The following TMEM59 variants were observed in gnomAD, a reference collection of about 807,000 sequenced individuals.
TMEM59 encodes the protein transmembrane protein 59, also known as dendritic cell factor 1.
TMEM59 carries 44 observed loss-of-function variants against 42.2 expected under a neutral mutation model. The ratio of observed to expected loss-of-function variants is 1.04; its 90% CI spans 0.82 to 1.34. The LOEUF (loss-of-function observed/expected upper bound fraction) is 1.34, where lower values mean the gene tolerates loss of function less well. Among genes scored for constraint, TMEM59 ranks in the 40% most tolerant of loss-of-function variants. The pLI is 0.00. For missense variants in TMEM59, 359 were observed against 382.8 expected, an observed-to-expected ratio of 0.94 and a Z score of 0.52; for synonymous variants, 148 against 145.8, an observed-to-expected ratio of 1.02 and a Z score of -0.11.
chr1:54,028,975 T>A lies in TMEM59; in HGVS notation c.*3175A>T, dbSNP rs1036268208. 3 of 152,214 alleles carry A rather than the reference T, an allele frequency of 2.0e-5. No individual in the cohort carries two copies. The highest frequency in any genetic ancestry group is 4.4e-5 in the Non-Finnish European group (3 of 68,038). 9.4% of individuals were successfully genotyped at this position (152,214 alleles called of 1,614,324 possible). On this transcript the variant is annotated 3_prime_UTR_variant, in exon 8 of 8. Coordinates refer to ENST00000234831, the MANE Select transcript of TMEM59 (RefSeq NM_004872.5). ...AGTAACTGGAAATCTCTGTCAATGATTCCCTACATGTGGACTTGATATTTG... is the reference window on the plus strand; with the variant it reads ...AGTAACTGGAAATCTCTGTCAATGAATCCCTACATGTGGACTTGATATTTG...
chr1:54,043,729 G>A (rs1056084700), intron 3 of TMEM59: 11 of 219,058 alleles, frequency 5.0e-5, no homozygotes, highest in Non-Finnish European at 9.3e-5. Flanking sequence ...ACTTTAATTT[G>A]CCACCAAACA....
intron 3 of TMEM59, 77 bp downstream of exon 3, chr1:54,045,615 T>C (rs754866704): frequency 1.5e-6 from 2 of 1,351,644 alleles, no homozygotes; most frequent in Non-Finnish European, 1.1e-6. Context: ...TAGGATCAAG[T>C]GGGTGATAAA....
intron 1 of TMEM59, among the ~76,000 whole-genome samples, chr1:54,050,123 CTTTTT>C (rs112235026): frequency 6.8e-6 from 1 of 146,394 alleles, no homozygotes; most frequent in Non-Finnish European, 1.5e-5. Context: ...TCTGAGATTT[CTTTTT>C]TTTTTTTCTT....
rs2100326205 is a variant in TMEM59 at position 54,045,788 on chromosome 1, T to C, written c.296-2A>G. The C allele has an allele frequency of 6.2e-7, 1 of 1,603,042 alleles. No homozygotes were observed. Among genetic ancestry groups the C allele is most frequent in the East Asian group, 2.2e-5 (1 of 44,644 alleles). ...ATTGGGAATATGCTTCTGTACATGC[T>C]GTAAGAGAAAAATAGTCAAATTACA... On this transcript the variant is annotated splice_acceptor_variant, in intron 2 of 7. Transcript: ENST00000234831. LOFTEE classifies it high-confidence loss of function.
intron 2 of TMEM59, 146 bp from the exon 3 acceptor site, chr1:54,045,932 G>C (rs907372075): frequency 3.2e-6 from 2 of 619,884 alleles, no homozygotes; most frequent in South Asian, 4.5e-5. Flanking sequence ...ATAGTAGTAG[G>C]AAATGTATCT....
chr1:54,036,476 T>C, intron 7 of TMEM59, 134 bp downstream of exon 7: 1 of 603,906 alleles, frequency 1.7e-6, no homozygotes, highest in Non-Finnish European at 2.8e-6. Flanking sequence ...TGTGCCAACC[T>C]CTACCACATT....
upstream of TMEM59, chr1:54,053,251 C>T (rs1657643671): frequency 3.2e-6 from 5 of 1,576,216 alleles, no homozygotes; most frequent in East Asian, 9.0e-5. Context: ...TTTCCTCCTC[C>T]TCCTGGGGCC....
rs115595072 is a variant in TMEM59 at position 54,045,784 on chromosome 1, A to G, written c.298T>C (p.Cys100Arg). 6.2e-7 allele frequency: 1 copy of G among 1,605,716 alleles called. No homozygotes were observed. The highest frequency in any genetic ancestry group is 1.7e-5 in the Admixed American group (1 of 59,582). ...NRTKLECESA[C>R]TEAYSQSDEQ... is the part of the protein sequence containing the mutation. ...TCAGATTGGGAATATGCTTCTGTACATGCTGTAAGAGAAAAATAGTCAAAT... is the reference window on the plus strand; with the variant it reads ...TCAGATTGGGAATATGCTTCTGTACGTGCTGTAAGAGAAAAATAGTCAAAT... The change falls in exon 3 of 8, where the codon TGT becomes CGT. Residue 100 changes from cysteine (C) to arginine (R), a missense_variant and splice_region_variant. Physicochemically the swap from Cys to Arg is radical, Grantham distance 180. Coordinates refer to ENST00000234831, the MANE Select transcript of TMEM59 (RefSeq NM_004872.5).
intron 1 of TMEM59, among the ~76,000 whole-genome samples, chr1:54,051,294 TA>T (rs1657529228): frequency 6.6e-6 from 1 of 152,220 alleles, no homozygotes; most frequent in Non-Finnish European, 1.5e-5. Flanking sequence ...TCCTTAATTT[TA>T]AAACCCTACT....
chr1:54,037,863 G>A (rs1657004850), intron 6 of TMEM59, among the ~76,000 whole-genome samples: 1 of 152,128 alleles, frequency 6.6e-6, no homozygotes, highest in Admixed American at 6.5e-5. Context: ...CCAGCCCTAA[G>A]TAACCTGAGT....
intron 1 of TMEM59, among the ~76,000 whole-genome samples, chr1:54,050,607 A>C (rs577124091): frequency 2.0e-3 from 296 of 148,016 alleles, no homozygotes; most frequent in Non-Finnish European, 3.2e-3. Flanking sequence ...CTTGTCGCCC[A>C]GGCTGGAGTG....
At chr1:54,048,317 A>G (rs1308769700) in intron 1 of TMEM59, among the ~76,000 whole-genome samples, 1 of 152,190 alleles carries the variant, frequency 6.6e-6, no homozygotes, top group Non-Finnish European at 1.5e-5. Context: ...AAGTTATTTT[A>G]CCTGTCTAAG....
chr1:54,043,185 C>G (rs1177363699), intron 4 of TMEM59, among the ~76,000 whole-genome samples, 188 bp downstream of exon 4: 1 of 152,182 alleles, frequency 6.6e-6, no homozygotes, highest in African/African-American at 2.4e-5. Context: ...GATTAGGCTT[C>G]TAACGGGCAA....
chr1:54,038,131 A>C (rs1657014750), intron 6 of TMEM59, among the ~76,000 whole-genome samples: 1 of 152,198 alleles, frequency 6.6e-6, no homozygotes, highest in Non-Finnish European at 1.5e-5. Context: ...CCTCTTCTTG[A>C]CACTTATGTT....
chr1:54,041,915 A>G (rs975423935), intron 4 of TMEM59, 110 bp from the exon 5 acceptor site: 22 of 779,266 alleles, frequency 2.8e-5, no homozygotes, highest in African/African-American at 2.1e-4. Flanking sequence ...AAAAAGTAGC[A>G]GAAATACTGT....
chr1:54,030,787 T>G lies in TMEM59; in HGVS notation c.*1363A>C, dbSNP rs978658578. ...TCTTCCTTGATTAGCTGTTAACTGC[T>G]TTTCATTTGGACTCAGGAAGGCTAA... On this transcript the variant is annotated 3_prime_UTR_variant, in exon 8 of 8. Coordinates refer to ENST00000234831, the MANE Select transcript of TMEM59 (RefSeq NM_004872.5). 3 of 152,162 alleles carry G rather than the reference T, an allele frequency of 2.0e-5. No homozygotes were observed. Among genetic ancestry groups the G allele is most frequent in the African/African-American group, 7.2e-5 (3 of 41,432 alleles). The allele number at this position is 152,162 out of a possible 1,614,324, so 9.4% of individuals were successfully genotyped here. A position where few individuals can be genotyped will look rare whatever the true frequency, so the allele number is the denominator to read the frequency against.
chr1:54,029,714 T>C lies in TMEM59; in HGVS notation c.*2436A>G, dbSNP rs189856588. ...CAAAAGTAGATTCTGTGCTTCAGAATTTAATTACCACAAGGAGTCAGAAAA... is the reference window on the plus strand; with the variant it reads ...CAAAAGTAGATTCTGTGCTTCAGAACTTAATTACCACAAGGAGTCAGAAAA... On this transcript the variant is annotated 3_prime_UTR_variant, in exon 8 of 8. Coordinates refer to ENST00000234831, the MANE Select transcript of TMEM59 (RefSeq NM_004872.5). 2.0e-5 allele frequency: 3 copies of C among 152,278 alleles called. No individual in the cohort carries two copies. In the East Asian group the frequency reaches 5.8e-4, roughly 29 times the overall value. The allele number at this position is 152,278 out of a possible 1,614,324, so 9.4% of individuals were successfully genotyped here.
At chr1:54,036,419 A>G (rs953087501) in intron 7 of TMEM59, among the ~76,000 whole-genome samples, 191 bp downstream of exon 7, 3 of 152,216 alleles carry the variant, frequency 2.0e-5, no homozygotes, top group African/African-American at 7.2e-5. Context: ...AGCATCACAG[A>G]AAGCTGAGAA....
chr1:54,051,490 G>A (rs1409696818), intron 1 of TMEM59, among the ~76,000 whole-genome samples: 1 of 152,162 alleles, frequency 6.6e-6, no homozygotes, highest in Non-Finnish European at 1.5e-5. Flanking sequence ...CCAATTGTTA[G>A]AAAATAGTGG....
Sources: gnomAD v4.1 joint callset for allele counts (sites outside exome capture counted in the v4.1 genomes callset) on GRCh38, gnomAD v4.1.1 for gene constraint, MANE v1.5 for transcripts, NCBI Gene and HGNC (gene_info 2026-07-23, HGNC 2026-07-21) for gene names.